Variants in GALNT13 observed in about 807,000 individuals in gnomAD.
GALNT13 encodes UDP-GalNAc:polypeptide N-acetylgalactosaminyltransferase 13.
GALNT13 carries 28 observed loss-of-function variants against 64.2 expected under a neutral mutation model. The observed-to-expected ratio is 0.44, with a 90% confidence interval of 0.32 to 0.60. GALNT13 has a LOEUF of 0.60. GALNT13 is among the 20% of genes least tolerant of loss of function. The pLI, the probability that GALNT13 is intolerant of heterozygous loss-of-function variation, is 0.05. For synonymous variants in GALNT13, 214 were observed against 224.6 expected, an observed-to-expected ratio of 0.95 and a Z score of 0.42; for missense variants, 577 against 669.8, an observed-to-expected ratio of 0.86 and a Z score of 1.53.
At chr2:154,438,544 A>G in intron 11 of GALNT13, 48 bp from the exon 12 acceptor site, 6 of 1,451,062 alleles carry the variant, frequency 4.1e-6, no homozygotes, top group Non-Finnish European at 5.8e-6. Flanking sequence ...CTCTATTGTG[A>G]CATTTTAAAA....
At chr2:153,694,807 T>A in the GALNT13 span, among the ~76,000 whole-genome samples, 3 of 152,324 alleles carry the variant, frequency 2.0e-5, no homozygotes, top group South Asian at 6.2e-4. Flanking sequence ...GTGAAGGGAA[T>A]GTCTAAGATA....
At chr2:153,658,823 T>C in the GALNT13 span, among the ~76,000 whole-genome samples, 168 of 151,986 alleles carry the variant, frequency 1.1e-3, 1 homozygote, top group South Asian at 9.1e-3. Context: ...ATTCACATTC[T>C]CTTGTAAAAT....
At chr2:153,076,906 C>G in the GALNT13 span, among the ~76,000 whole-genome samples, 1 of 151,258 alleles carries the variant, frequency 6.6e-6, no homozygotes, top group African/African-American at 2.4e-5. Context: ...ACTAATCTTG[C>G]GTTTTTTGTT....
At chr2:153,209,467 A>C in the GALNT13 span, among the ~76,000 whole-genome samples, 1 of 152,136 alleles carries the variant, frequency 6.6e-6, no homozygotes, top group East Asian at 1.9e-4. Context: ...CTTGGTGAAA[A>C]CTTTACTGAT....
intron 4 of GALNT13, among the ~76,000 whole-genome samples, chr2:154,167,796 G>C (rs1685118521): frequency 6.7e-6 from 1 of 149,032 alleles, no homozygotes. Flanking sequence ...AGCCTTGCTT[G>C]GGGGGCGAGA....
chr2:154,259,949 C>T (rs12463561), intron 8 of GALNT13, among the ~76,000 whole-genome samples: 29,055 of 151,932 alleles, frequency 0.19, 3,589 homozygotes, highest in Admixed American at 0.31. Flanking sequence ...GGTGCAATTT[C>T]AGGGCTCACT....
chr2:153,770,322 T>A, the GALNT13 span, among the ~76,000 whole-genome samples: 1 of 152,174 alleles, frequency 6.6e-6, no homozygotes, highest in African/African-American at 2.4e-5. Flanking sequence ...TTTGGTCTGG[T>A]TGCTTTCAGT....
chr2:153,676,808 C>T, the GALNT13 span, among the ~76,000 whole-genome samples: 1 of 151,992 alleles, frequency 6.6e-6, no homozygotes, highest in South Asian at 2.1e-4. Flanking sequence ...GTAGAAAAGG[C>T]CTTAAATAAG....
Position 153,973,591 on chromosome 2 carries a change from C to A in GALNT13, c.142+28952C>A, listed in dbSNP as rs13417154. 6.6e-5 allele frequency among the ~76,000 whole-genome samples: 10 copies of A among 151,852 alleles called. No homozygotes were observed. The South Asian group carries it at 2.1e-3, about 32-fold the overall frequency. ...AATTTTTAGCTATTTATGTGCTTTT[C>A]TTTTTTTCTTTTTTTTGTGCCTTAC... On this transcript the variant is annotated intron_variant, in intron 3 of 12. Transcript: ENST00000392825.
chr2:153,498,429 C>T, the GALNT13 span, among the ~76,000 whole-genome samples: 10 of 152,212 alleles, frequency 6.6e-5, no homozygotes, highest in Non-Finnish European at 1.2e-4. Flanking sequence ...CAAGGGCGAG[C>T]CAGGCGCAGA....
chr2:153,178,617 T>C, the GALNT13 span, among the ~76,000 whole-genome samples: 2 of 152,140 alleles, frequency 1.3e-5, no homozygotes, highest in African/African-American at 2.4e-5. Flanking sequence ...AGCCCTTTAT[T>C]GGATGTATGG....
intron 3 of GALNT13, among the ~76,000 whole-genome samples, chr2:153,993,554 G>A (rs913413822): frequency 6.6e-6 from 1 of 151,620 alleles, no homozygotes. Flanking sequence ...AAAATTAGCC[G>A]GGCATAGTGG....
the GALNT13 span, among the ~76,000 whole-genome samples, chr2:153,410,460 C>A: frequency 6.6e-6 from 1 of 152,142 alleles, no homozygotes; most frequent in Non-Finnish European, 1.5e-5. Context: ...CAAGAGAGAG[C>A]TTTCAACAAG....
At chr2:153,400,249 C>T in the GALNT13 span, among the ~76,000 whole-genome samples, 11 of 151,960 alleles carry the variant, frequency 7.2e-5, no homozygotes, top group East Asian at 1.7e-3. Context: ...GTATATTGAA[C>T]CAGCCTTGCA....
the GALNT13 span, among the ~76,000 whole-genome samples, chr2:153,646,074 G>T: frequency 2.0e-5 from 3 of 152,046 alleles, no homozygotes; most frequent in African/African-American, 7.2e-5. Flanking sequence ...AGATGGAGTA[G>T]ATTGAGGCTA....
At chr2:153,826,033 T>C in the GALNT13 span, among the ~76,000 whole-genome samples, 3 of 152,144 alleles carry the variant, frequency 2.0e-5, no homozygotes, top group African/African-American at 7.2e-5. Context: ...GATACCCTTC[T>C]CTATCCCCAT....
the GALNT13 span, among the ~76,000 whole-genome samples, chr2:153,791,094 A>G: frequency 5.9e-3 from 902 of 152,276 alleles, 12 homozygotes; most frequent in African/African-American, 0.02. Flanking sequence ...ATATTACAAA[A>G]TGGAGAAAAT....
At chr2:154,324,268 C>T (rs1251690618) in intron 9 of GALNT13, among the ~76,000 whole-genome samples, 3 of 151,250 alleles carry the variant, frequency 2.0e-5, no homozygotes, top group Non-Finnish European at 4.4e-5. Context: ...TTTGGTTCTT[C>T]GTCTTTTTAT....
At chr2:154,265,306 A>G (rs1331993198) in intron 8 of GALNT13, among the ~76,000 whole-genome samples, 1 of 152,034 alleles carries the variant, frequency 6.6e-6, no homozygotes, top group Non-Finnish European at 1.5e-5. Context: ...TATTCTAAAA[A>G]TTTATAATTT....
Sources: allele counts gnomAD v4.1 joint callset (sites outside exome capture counted in the v4.1 genomes callset), GRCh38; gene constraint gnomAD v4.1.1; transcripts MANE v1.5; gene names NCBI Gene and HGNC (gene_info 2026-07-23, HGNC 2026-07-21).